PCDH15: variants seen among roughly 807,000 people sequenced by gnomAD.
The protein encoded by PCDH15 is protocadherin-15.
In PCDH15, 129 loss-of-function variants were observed where a neutral mutation model predicts 178.5. That is an observed-to-expected ratio of 0.72 (90% CI 0.63 to 0.84). The LOEUF is 0.84. PCDH15 is among the 40% of genes least tolerant of loss of function. The pLI is 0.00. For synonymous variants in PCDH15, 800 were observed against 732.0 expected (o/e 1.09, Z -1.50); for missense variants, 2,230 against 2,099.9 (o/e 1.06, Z -1.21).
chr10:54,199,567 C>CAATAATAATAAT (rs1408960891), intron 10 of PCDH15, among the ~76,000 whole-genome samples: 1,496 of 89,528 alleles, frequency 0.017, 23 homozygotes, highest in South Asian at 0.1. Context: ...ACAACAACAA[C>CAATAATAATAAT]AACAATAATA....
intron 8 of PCDH15, among the ~76,000 whole-genome samples, chr10:54,239,463 A>G (rs1361624456): frequency 6.7e-6 from 1 of 150,118 alleles, no homozygotes; most frequent in Non-Finnish European, 1.5e-5. Context: ...AAAAAGAAAC[A>G]AGTGTAGTAT....
At chr10:55,309,384 G>A (rs1029909881) in intron 1 of PCDH15, among the ~76,000 whole-genome samples, 1 of 151,978 alleles carries the variant, frequency 6.6e-6, no homozygotes, top group African/African-American at 2.4e-5. Flanking sequence ...AGGGGTGGTG[G>A]CATGTGCTTG....
chr10:54,971,197 T>C (rs1170071506), intron 2 of PCDH15, among the ~76,000 whole-genome samples: 3 of 152,134 alleles, frequency 2.0e-5, no homozygotes, highest in Non-Finnish European at 4.4e-5. Context: ...CCCAAATTCA[T>C]GTTGAGACTT....
At chr10:55,047,740 G>GT (rs1841048149) in intron 2 of PCDH15, among the ~76,000 whole-genome samples, 1 of 151,620 alleles carries the variant, frequency 6.6e-6, no homozygotes, top group African/African-American at 2.4e-5. Context: ...AAAAATAAAT[G>GT]TTTTCCTTCT....
In PCDH15 at chr10:54,407,050, A is replaced by T. The variant is rs559249900; in HGVS notation, c.158-28108T>A. Among the ~76,000 whole-genome samples the T allele has an allele frequency of 1.4e-4, 22 of 152,302 alleles. No homozygotes were observed. The South Asian group carries it at 3.9e-3, about 27-fold the overall frequency. The stretch of plus-strand genomic sequence containing the variant: ...ACTCAATAACATAAGGACAAATTTT[A>T]AAGTGGACAAAACACTTGAAAGAAA... On this transcript the variant is annotated intron_variant, in intron 3 of 37. Coordinates refer to ENST00000644397, the MANE Select transcript of PCDH15 (RefSeq NM_001384140.1).
chr10:54,402,810 C>G (rs1952103200), intron 3 of PCDH15, among the ~76,000 whole-genome samples: 1 of 151,926 alleles, frequency 6.6e-6, no homozygotes, highest in Non-Finnish European at 1.5e-5. Flanking sequence ...CCATCTTTCT[C>G]CATCTCTTCA....
chr10:53,834,881 T>C (rs1285189436), intron 29 of PCDH15, among the ~76,000 whole-genome samples: 1 of 152,156 alleles, frequency 6.6e-6, no homozygotes, highest in Non-Finnish European at 1.5e-5. Flanking sequence ...AATGTAGAAA[T>C]AAGTAAAGGG....
At chr10:55,061,542 A>G (rs746323281) in intron 2 of PCDH15, among the ~76,000 whole-genome samples, 1 of 152,094 alleles carries the variant, frequency 6.6e-6, no homozygotes, top group Non-Finnish European at 1.5e-5. Flanking sequence ...TAGCAATCAC[A>G]CTCCTTGGTA....
intron 1 of PCDH15, among the ~76,000 whole-genome samples, chr10:55,289,213 T>C (rs959314206): frequency 6.6e-6 from 1 of 152,064 alleles, no homozygotes; most frequent in Non-Finnish European, 1.5e-5. Flanking sequence ...GAAAAACCAG[T>C]TGTTCCAATT....
intron 2 of PCDH15, among the ~76,000 whole-genome samples, chr10:55,474,823 T>A (rs1300563956): frequency 6.6e-6 from 1 of 152,118 alleles, no homozygotes; most frequent in African/African-American, 2.4e-5. Flanking sequence ...AATAATCACA[T>A]ATGTTAGTAT....
chr10:53,875,639 C>A (rs2080177671), intron 26 of PCDH15, among the ~76,000 whole-genome samples: 1 of 151,744 alleles, frequency 6.6e-6, no homozygotes, highest in Admixed American at 6.6e-5. Context: ...GTCTAGAGTT[C>A]TTTTAAAAGA....
At chr10:55,625,699 C>A (rs1837511767) in intron 2 of PCDH15, among the ~76,000 whole-genome samples, 1 of 152,126 alleles carries the variant, frequency 6.6e-6, no homozygotes, top group Non-Finnish European at 1.5e-5. Context: ...AAAGAATCTG[C>A]CCTTTGAGAT....
At chr10:55,270,775 C>A (rs1167152708) in intron 1 of PCDH15, among the ~76,000 whole-genome samples, 1 of 151,410 alleles carries the variant, frequency 6.6e-6, no homozygotes, top group Non-Finnish European at 1.5e-5. Context: ...ACTCTACAAT[C>A]CCACTACTGA....
intron 16 of PCDH15, among the ~76,000 whole-genome samples, chr10:54,083,232 A>C (rs1363118315): frequency 6.6e-6 from 1 of 152,204 alleles, no homozygotes; most frequent in Non-Finnish European, 1.5e-5. Flanking sequence ...AGTTCCTCAA[A>C]TGGTTAAAAA....
At chr10:54,522,324 T>A (rs2082964494) in intron 3 of PCDH15, among the ~76,000 whole-genome samples, 1 of 152,108 alleles carries the variant, frequency 6.6e-6, no homozygotes, top group Non-Finnish European at 1.5e-5. Flanking sequence ...TCAATCAACA[T>A]CCATCTTCTC....
At chr10:54,817,573 T>C (rs1006754194) in intron 3 of PCDH15, among the ~76,000 whole-genome samples, 3 of 152,058 alleles carry the variant, frequency 2.0e-5, no homozygotes, top group African/African-American at 7.2e-5. Flanking sequence ...GCCACTGAGA[T>C]GATTCTATTA....
rs889398479 is a variant in PCDH15 at position 54,198,778 on chromosome 10, G to A, written c.1099-2889C>T. On this transcript the variant is annotated intron_variant, in intron 10 of 37. Transcript: ENST00000644397. ...GGCCTCCCAAAGTGCTGGGATTACAGGCGTGAGCCAATAACCAGCATGTCA... is the reference window on the plus strand; with the variant it reads ...GGCCTCCCAAAGTGCTGGGATTACAAGCGTGAGCCAATAACCAGCATGTCA... Among the ~76,000 whole-genome samples, 20 of 95,276 alleles carry A rather than the reference G, an allele frequency of 2.1e-4. 3 individuals are homozygous for A. Among genetic ancestry groups the A allele is most frequent in the African/African-American group, 1.8e-3 (20 of 11,304 alleles). 62.5% of individuals were successfully genotyped at this position (95,276 alleles called of 152,430 possible).
intron 3 of PCDH15, among the ~76,000 whole-genome samples, chr10:54,828,703 A>G (rs1953172786): frequency 6.6e-6 from 1 of 152,060 alleles, no homozygotes; most frequent in African/African-American, 2.4e-5. Context: ...GCATGGCTCT[A>G]TGTGCTGGGA....
chr10:54,772,292 TC>T (rs1314447568), intron 1 of PCDH15, among the ~76,000 whole-genome samples: 1 of 152,204 alleles, frequency 6.6e-6, no homozygotes, highest in East Asian at 1.9e-4. Context: ...AGGCATATTT[TC>T]CTACTTGTAA....
Sources: allele counts gnomAD v4.1 joint callset (sites outside exome capture counted in the v4.1 genomes callset), GRCh38; gene constraint gnomAD v4.1.1; transcripts MANE v1.5; gene names NCBI Gene and HGNC (gene_info 2026-07-23, HGNC 2026-07-21).